DRC9: variants seen among roughly 807,000 people sequenced by gnomAD.
DRC9 encodes the protein dynein regulatory complex subunit 9.
chr3:197,912,781 C>T, the DRC9 span: 16 of 1,558,970 alleles, frequency 1.0e-5, 1 homozygote, highest in East Asian at 3.1e-4. Flanking sequence ...AGTACGTCTT[C>T]CCCGCAGGGC....
At chr3:197,918,240 C>T in the DRC9 span, among the ~76,000 whole-genome samples, 1 of 149,008 alleles carries the variant, frequency 6.7e-6, no homozygotes, top group Non-Finnish European at 1.5e-5. Flanking sequence ...CACGCCACCA[C>T]ACCCAGCTAA....
chr3:197,951,114 T>G, the DRC9 span: 2 of 1,613,530 alleles, frequency 1.2e-6, no homozygotes, highest in Non-Finnish European at 1.7e-6. Context: ...GTCAGATTGG[T>G]TTTTTGAAGC....
the DRC9 span, among the ~76,000 whole-genome samples, chr3:197,897,768 A>T: frequency 1.4e-3 from 196 of 139,826 alleles, 1 homozygote; most frequent in African/African-American, 5.1e-3. Context: ...ACAAGCATAA[A>T]CCTTTTTTTT....
At chr3:197,935,920 T>C in the DRC9 span, among the ~76,000 whole-genome samples, 1 of 152,198 alleles carries the variant, frequency 6.6e-6, no homozygotes, top group Non-Finnish European at 1.5e-5. Flanking sequence ...AGGTGTTGCC[T>C]GATTTAGAAT....
At chr3:197,935,230 C>T in the DRC9 span, among the ~76,000 whole-genome samples, 8 of 151,950 alleles carry the variant, frequency 5.3e-5, no homozygotes, top group East Asian at 1.2e-3. Flanking sequence ...CACCTGAGGT[C>T]GGGAGTTCGA....
chr3:197,953,846 A>G, the DRC9 span: 1 of 724,200 alleles, frequency 1.4e-6, no homozygotes, highest in Non-Finnish European at 2.5e-6. Context: ...TAGTTACTCG[A>G]TAAGTATCTG....
At chr3:197,898,041 A>G in the DRC9 span, among the ~76,000 whole-genome samples, 3 of 150,706 alleles carry the variant, frequency 2.0e-5, no homozygotes, top group East Asian at 5.8e-4. Context: ...TCGGCCTCCC[A>G]AAGTGCTGGG....
At chr3:197,946,297 T>C in the DRC9 span, among the ~76,000 whole-genome samples, 359 of 151,648 alleles carry the variant, frequency 2.4e-3, 1 homozygote, top group African/African-American at 8.5e-3. Flanking sequence ...TAGCCGGGCG[T>C]GGTGGCGGGT....
At chr3:197,950,145 T>G in the DRC9 span, 1 of 1,231,452 alleles carries the variant, frequency 8.1e-7, no homozygotes, top group Admixed American at 4.2e-5. Flanking sequence ...GAGGGCGGAG[T>G]CGAAAGATGT....
chr3:197,901,506 G>A, the DRC9 span, among the ~76,000 whole-genome samples: 3 of 152,356 alleles, frequency 2.0e-5, no homozygotes, highest in East Asian at 5.8e-4. This position sits in a 1 kb window ranked among gnomAD's most constrained non-coding sequence, Gnocchi z 4.4. Context: ...CTCCCCTGAA[G>A]AGTAAGTCCC....
the DRC9 span, among the ~76,000 whole-genome samples, chr3:197,934,312 G>A: frequency 6.6e-6 from 1 of 151,360 alleles, no homozygotes; most frequent in South Asian, 2.1e-4. Context: ...AGCCTCCCGA[G>A]GAGCTGGGAT....
At chr3:197,900,318 C>T in the DRC9 span, among the ~76,000 whole-genome samples, 11 of 152,194 alleles carry the variant, frequency 7.2e-5, no homozygotes, top group African/African-American at 2.7e-4. The surrounding 1 kb of genome is among the most constrained non-coding windows in gnomAD (Gnocchi z 4.7). Flanking sequence ...TGTCACCCAT[C>T]CCCCAACCTC....
chr3:197,950,723 A>C, the DRC9 span: 1 of 589,962 alleles, frequency 1.7e-6, no homozygotes, highest in Non-Finnish European at 3.0e-6. Context: ...TTTTGTCTTC[A>C]TTCTGAAGTT....
the DRC9 span, among the ~76,000 whole-genome samples, chr3:197,890,548 G>T: frequency 6.6e-6 from 1 of 152,082 alleles, no homozygotes; most frequent in Non-Finnish European, 1.5e-5. Context: ...TGAATATCTT[G>T]GTTTTAGATA....
the DRC9 span, among the ~76,000 whole-genome samples, chr3:197,910,348 T>C: frequency 6.6e-6 from 1 of 152,196 alleles, no homozygotes; most frequent in Non-Finnish European, 1.5e-5. Flanking sequence ...GCTTGTGTTA[T>C]TGGGCTGAAG....
chr3:197,918,258 CTT>C, the DRC9 span, among the ~76,000 whole-genome samples: 341 of 60,284 alleles, frequency 5.7e-3, 2 homozygotes, highest in Non-Finnish European at 8.1e-3. Context: ...TAATTTTTTG[CTT>C]TTTTTTTTTT....
the DRC9 span, chr3:197,926,206 T>TC: frequency 7.4e-6 from 5 of 675,896 alleles, no homozygotes; most frequent in South Asian, 8.4e-5. Flanking sequence ...CCTGGCCTCT[T>TC]CCCCCAGAGA....
At chr3:197,929,440 A>G in the DRC9 span, among the ~76,000 whole-genome samples, 1 of 152,186 alleles carries the variant, frequency 6.6e-6, no homozygotes, top group Non-Finnish European at 1.5e-5. This position sits in a 1 kb window ranked among gnomAD's most constrained non-coding sequence, Gnocchi z 4.6. Context: ...ACAAACGGAC[A>G]GCCAAAGATG....
the DRC9 span, chr3:197,949,509 TC>T: frequency 6.6e-6 from 1 of 152,060 alleles, no homozygotes; most frequent in Non-Finnish European, 1.5e-5. Context: ...ATTTTTTTTT[TC>T]TTTTGTAGAG....
Sources: allele counts gnomAD v4.1 joint callset (sites outside exome capture counted in the v4.1 genomes callset), GRCh38; gene constraint gnomAD v4.1.1; non-coding constraint Gnocchi (gnomAD v3.1); transcripts MANE v1.5; gene names NCBI Gene and HGNC (gene_info 2026-07-23, HGNC 2026-07-21).